TAFA2: variants seen among roughly 807,000 people sequenced by gnomAD.
TAFA2 encodes the protein chemokine-like protein TAFA-2.
Under a neutral mutation model 18.8 loss-of-function variants are expected in TAFA2, and 7 were observed. The observed-to-expected ratio is 0.37, with a 90% CI of 0.21 to 0.70. TAFA2 has a LOEUF of 0.70. Ranked by LOEUF, TAFA2 falls within the 30% of genes least tolerant of loss-of-function variation. The probability of loss-of-function intolerance (pLI) is 0.53; values close to 1 mark genes in which losing one functional copy is unlikely to be tolerated. For missense variants in TAFA2, 122 were observed against 158.1 expected, an observed-to-expected ratio of 0.77 and a Z score of 1.23; for synonymous variants, 60 against 54.2, an observed-to-expected ratio of 1.11 and a Z score of -0.47.
At chr12:61,780,381 G>A (rs1016685314) in intron 2 of TAFA2, among the ~76,000 whole-genome samples, 1 of 151,762 alleles carries the variant, frequency 6.6e-6, no homozygotes, top group Non-Finnish European at 1.5e-5. Flanking sequence ...TGACCAAGAA[G>A]ACCTTAACAT....
At chr12:61,711,172 A>G (rs1307209043) in intron 4 of TAFA2, among the ~76,000 whole-genome samples, 3 of 152,050 alleles carry the variant, frequency 2.0e-5, no homozygotes, top group Non-Finnish European at 4.4e-5. Context: ...TAATAAACAG[A>G]TAGAATACCT....
intron 1 of TAFA2, among the ~76,000 whole-genome samples, chr12:62,187,092 T>C (rs2062591239): frequency 6.6e-6 from 1 of 152,184 alleles, no homozygotes; most frequent in African/African-American, 2.4e-5. Flanking sequence ...ACATAGTTTG[T>C]GCATTGACTA....
chr12:62,081,307 G>A (rs944792684), intron 1 of TAFA2, among the ~76,000 whole-genome samples: 12 of 151,952 alleles, frequency 7.9e-5, no homozygotes, highest in Non-Finnish European at 1.5e-4. Context: ...TGTCACATTC[G>A]TTATTTAAAA....
intron 1 of TAFA2, among the ~76,000 whole-genome samples, chr12:62,174,944 A>G (rs1350440697): frequency 6.6e-6 from 1 of 152,196 alleles, no homozygotes; most frequent in Non-Finnish European, 1.5e-5. Flanking sequence ...AAACTCCGAG[A>G]GTAATGATGC....
chr12:62,229,616 T>C (rs2062803312), intron 1 of TAFA2, among the ~76,000 whole-genome samples: 1 of 152,144 alleles, frequency 6.6e-6, no homozygotes, highest in East Asian at 1.9e-4. Context: ...TGGTTGCTAG[T>C]ATTTTGTTCA....
chr12:61,812,298 T>C (rs1314473650), intron 2 of TAFA2, among the ~76,000 whole-genome samples: 1 of 151,572 alleles, frequency 6.6e-6, no homozygotes, highest in Non-Finnish European at 1.5e-5. Context: ...CTGGGAATGG[T>C]GTCTCCAAGT....
chr12:62,158,684 A>G (rs1197381734), intron 1 of TAFA2, among the ~76,000 whole-genome samples: 4 of 152,240 alleles, frequency 2.6e-5, no homozygotes, highest in Non-Finnish European at 5.9e-5. Context: ...GTAAAAATGT[A>G]ACTGATCTTA....
chr12:61,885,349 G>T (rs1875329486), intron 1 of TAFA2, among the ~76,000 whole-genome samples: 1 of 152,164 alleles, frequency 6.6e-6, no homozygotes, highest in East Asian at 1.9e-4. Context: ...AAAGGGAGAA[G>T]AATGACATAG....
chr12:61,955,657 A>G (rs940618364), intron 1 of TAFA2, among the ~76,000 whole-genome samples: 1 of 111,938 alleles, frequency 8.9e-6, no homozygotes, highest in Non-Finnish European at 1.9e-5. Context: ...ATATATATAT[A>G]TATATATATA....
chr12:61,978,795 T>G (rs1160118945), intron 1 of TAFA2, among the ~76,000 whole-genome samples: 1 of 152,078 alleles, frequency 6.6e-6, no homozygotes, highest in Non-Finnish European at 1.5e-5. Context: ...TGCCAGTAGC[T>G]CATGTATCAT....
At chr12:62,025,409 A>G (rs979100363) in intron 1 of TAFA2, among the ~76,000 whole-genome samples, 4 of 152,156 alleles carry the variant, frequency 2.6e-5, no homozygotes, top group African/African-American at 7.2e-5. Context: ...TCAAAAATAA[A>G]TGTTGAAATT....
At chr12:62,217,457 A>C (rs1435218740) in intron 1 of TAFA2, among the ~76,000 whole-genome samples, 1 of 152,224 alleles carries the variant, frequency 6.6e-6, no homozygotes, top group Non-Finnish European at 1.5e-5. Context: ...AAAGAGTCTA[A>C]TTACAGAAGA....
intron 2 of TAFA2, among the ~76,000 whole-genome samples, chr12:61,781,006 C>T (rs1870479810): frequency 6.6e-6 from 1 of 151,644 alleles, no homozygotes; most frequent in Admixed American, 6.6e-5. Flanking sequence ...AGAGCTTCCT[C>T]CCATCTAACT....
chr12:62,172,607 G>T (rs2062485669), intron 1 of TAFA2, among the ~76,000 whole-genome samples: 1 of 152,136 alleles, frequency 6.6e-6, no homozygotes, highest in African/African-American at 2.4e-5. Context: ...CAAACAAAAT[G>T]CTCAGTAACA....
chr12:61,850,261 T>TA (rs1873588092), intron 2 of TAFA2, among the ~76,000 whole-genome samples: 2 of 152,100 alleles, frequency 1.3e-5, no homozygotes, highest in Non-Finnish European at 1.5e-5. Context: ...CTTCTCTAAG[T>TA]AAGTAAGCAT....
intron 2 of TAFA2, among the ~76,000 whole-genome samples, chr12:61,821,165 A>ACAC (rs10667553): frequency 3.4e-5 from 5 of 146,014 alleles, no homozygotes; most frequent in Middle Eastern, 3.5e-3. Context: ...ACACACACAC[A>ACAC]ATTATTTGGA....
chr12:61,889,670 A>T (rs1875541334), intron 1 of TAFA2, among the ~76,000 whole-genome samples: 1 of 152,232 alleles, frequency 6.6e-6, no homozygotes, highest in Admixed American at 6.5e-5. Flanking sequence ...TTATTTTAAT[A>T]GTTTACAGCT....
intron 2 of TAFA2, among the ~76,000 whole-genome samples, chr12:61,767,109 G>GTTTAT (rs1869823249): frequency 6.6e-6 from 1 of 152,084 alleles, no homozygotes; most frequent in Non-Finnish European, 1.5e-5. Flanking sequence ...CTAAAAGCAT[G>GTTTAT]TTTATATTGT....
intron 1 of TAFA2, among the ~76,000 whole-genome samples, chr12:62,135,061 C>G (rs570347167): frequency 2.6e-5 from 4 of 152,058 alleles, no homozygotes; most frequent in Non-Finnish European, 4.4e-5. Context: ...TGCAATAATT[C>G]CATGTCATAA....
Sources: allele counts gnomAD v4.1 joint callset (sites outside exome capture counted in the v4.1 genomes callset), GRCh38; gene constraint gnomAD v4.1.1; transcripts MANE v1.5; gene names NCBI Gene and HGNC (gene_info 2026-07-23, HGNC 2026-07-21).